EFCC1: variants seen among roughly 807,000 people sequenced by gnomAD.
EFCC1 encodes the protein EF-hand and coiled-coil domain containing 1.
EFCC1 carries 50 observed loss-of-function variants against 52.1 expected under a neutral mutation model. That is an observed-to-expected ratio of 0.96 (90% CI 0.76 to 1.21). The LOEUF is 1.21. Ranked by LOEUF, EFCC1 falls within the 50% of genes most tolerant of loss-of-function variation. The probability of loss-of-function intolerance (pLI) is 0.00; values close to 1 mark genes in which losing one functional copy is unlikely to be tolerated. For missense variants in EFCC1, 837 were observed against 867.3 expected (o/e 0.97, Z 0.44); for synonymous variants, 399 against 396.5 (o/e 1.01, Z -0.08).
intron 5 of EFCC1, among the ~76,000 whole-genome samples, chr3:129,035,711 A>AC (rs1457118466): frequency 6.6e-6 from 1 of 152,050 alleles, no homozygotes; most frequent in African/African-American, 2.4e-5. Context: ...GGATAGGGCC[A>AC]CCCCTCACTT....
chr3:129,034,442 A>G, intron 5 of EFCC1, 113 bp downstream of exon 5: 1 of 1,204,520 alleles, frequency 8.3e-7, no homozygotes, highest in Non-Finnish European at 1.1e-6. Flanking sequence ...GAGTAAACCA[A>G]GGCCCAGAGG....
chr3:129,004,173 G>C, intron 2 of EFCC1, 96 bp downstream of exon 2: 2 of 1,307,826 alleles, frequency 1.5e-6, no homozygotes, highest in Non-Finnish European at 2.0e-6. Flanking sequence ...GCGCTCTCGT[G>C]TTCCGCAGTT....
Position 129,001,543 on chromosome 3 carries a change from TTCGAGAAAC to T in EFCC1, c.-83_-75del, listed in dbSNP as rs1402303651. ...AGACCGCGACCGCTAAGCCCCTCCTTTCGAGAAACTCTGGGGCCGCCCCTGGAAGTGGCG... is the reference window on the plus strand; with the variant it reads ...AGACCGCGACCGCTAAGCCCCTCCTTTCTGGGGCCGCCCCTGGAAGTGGCG... On this transcript the variant is annotated 5_prime_UTR_variant, in exon 1 of 8. Transcript: ENST00000683648. 1 of 1,341,254 alleles carries T rather than the reference TTCGAGAAAC, an allele frequency of 7.5e-7. No homozygotes were observed. The highest frequency in any genetic ancestry group is 9.5e-7 in the Non-Finnish European group (1 of 1,052,366). The allele number at this position is 1,341,254 out of a possible 1,614,324, so 83.1% of individuals were successfully genotyped here.
rs1392647439 is a variant in EFCC1, at chr3:129,003,263, CG to C, written c.697-529del. The C allele has an allele frequency of 4.1e-6, 4 of 985,258 alleles. No individual in the cohort carries two copies. The Admixed American group carries it at 1.8e-4, about 45-fold the overall frequency. The allele number at this position is 985,258 out of a possible 1,614,324, so 61.0% of individuals were successfully genotyped here. On this transcript the variant is annotated intron_variant, in intron 1 of 7. Transcript: ENST00000683648. ...CTGGGAGCCATGGGATGCGCCTGAA[CG>C]GTCTTCCGGCATCTCTCATGCTTGG...
In EFCC1 at chr3:129,002,202, G is replaced by A. The variant is rs1199023052; in HGVS notation, c.574G>A (p.Asp192Asn). ...CCGCCCGCCCTGCGCGCCTGGCCCC[G>A]ACAGCGGTCCTGACTGTGAGCGCGT... ...RRRPPCAPGP[D>N]SGPDCERVAR... The change falls in exon 1 of 8, where the codon GAC (aspartate) becomes AAC (asparagine). Residue 192 changes from aspartate to asparagine, a missense_variant. Asp to Asn is a conservative substitution (Grantham distance 23). Coordinates refer to ENST00000683648, the MANE Select transcript of EFCC1 (RefSeq NM_001377500.1). 2.0e-6 allele frequency: 3 copies of A among 1,512,076 alleles called. No homozygotes were observed. Among genetic ancestry groups the A allele is most frequent in the Non-Finnish European group, 8.8e-7 (1 of 1,137,298 alleles). 93.7% of individuals were successfully genotyped at this position (1,512,076 alleles called of 1,614,324 possible). A position where few individuals can be genotyped will look rare whatever the true frequency, so the allele number is the denominator to read the frequency against.
rs779432304 is a variant in EFCC1, at chr3:129,037,052, C to T, written c.1528C>T (p.Arg510Trp). The T allele has an allele frequency of 3.2e-5, 51 of 1,613,404 alleles. No individual in the cohort carries two copies. The highest frequency in any genetic ancestry group is 4.5e-5 in the East Asian group (2 of 44,868). ...ELQMVETERV[R>W]LSLLEEKLVD... is the part of the protein sequence containing the mutation. ...GCAGATGGTAGAGACCGAGAGGGTG[C>T]GGCTGTCCCTGCTGGAGGAGAAGCT... The change falls in exon 6 of 8, where the codon CGG becomes TGG. Residue 510 changes from arginine to tryptophan, a missense_variant. Coordinates refer to ENST00000683648, the MANE Select transcript of EFCC1 (RefSeq NM_001377500.1).
chr3:129,028,624 G>A (rs760444034), intron 2 of EFCC1, among the ~76,000 whole-genome samples: 123 of 151,784 alleles, frequency 8.1e-4, no homozygotes, highest in Non-Finnish European at 1.4e-3. Context: ...TCAGGCCTTT[G>A]TTGGCTTTTC....
At position 129,003,995 on chromosome 3, in the gene EFCC1, C is replaced by T. The variant is rs1308514900; in HGVS notation, c.898C>T (p.Arg300Ter). ...GGTGCTGCGCAGCCTGCACCGCGTG[C>T]GAGAGCTGGAGGCGCTGGCGCAACA... ...QVVLRSLHRV[R>*]ELEALAQQVP... The change falls in exon 2 of 8, where the codon CGA (arginine) becomes TGA (stop). Residue 300 changes from arginine to a stop codon, truncating the protein, a stop_gained. Coordinates refer to ENST00000683648, the MANE Select transcript of EFCC1 (RefSeq NM_001377500.1). LOFTEE classifies it high-confidence loss of function. 7 of 1,501,426 alleles carry T rather than the reference C, an allele frequency of 4.7e-6. No homozygotes were observed. Among genetic ancestry groups the T allele is most frequent in the African/African-American group, 1.4e-5 (1 of 69,172 alleles). 93.0% of individuals were successfully genotyped at this position (1,501,426 alleles called of 1,614,324 possible). A position where few individuals can be genotyped will look rare whatever the true frequency, so the allele number is the denominator to read the frequency against.
intron 5 of EFCC1, 69 bp from the exon 6 acceptor site, chr3:129,036,908 A>T (rs1946360609): frequency 2.5e-6 from 4 of 1,608,348 alleles, no homozygotes; most frequent in Non-Finnish European, 2.5e-6. Flanking sequence ...GAGATGGAGT[A>T]GTTGATCCTG....
intron 2 of EFCC1, among the ~76,000 whole-genome samples, chr3:129,018,465 C>T (rs1450976405): frequency 6.6e-6 from 1 of 152,210 alleles, no homozygotes; most frequent in African/African-American, 2.4e-5. Flanking sequence ...GGAACACAGC[C>T]ATGTCCACTT....
intron 2 of EFCC1, among the ~76,000 whole-genome samples, chr3:129,028,736 A>G (rs1048930969): frequency 2.6e-5 from 4 of 151,532 alleles, no homozygotes; most frequent in African/African-American, 9.7e-5. Flanking sequence ...TCCGCCTCCC[A>G]GGTTCAAGCG....
chr3:129,025,948 C>T (rs1230362981), intron 2 of EFCC1, among the ~76,000 whole-genome samples: 1 of 152,270 alleles, frequency 6.6e-6, no homozygotes, highest in East Asian at 1.9e-4. Flanking sequence ...TTCCAAGCTT[C>T]CCTTGTGCCT....
In EFCC1 at chr3:129,014,620, T is replaced by C. The variant is rs779007938; in HGVS notation, c.980+10543T>C. The stretch of plus-strand genomic sequence containing the variant: ...CACATTATGAGGAGCTCTGGGGGTC[T>C]GGACATCAACATATGAATTGGGGAG... On this transcript the variant is annotated intron_variant, in intron 2 of 7. Transcript: ENST00000683648. This position sits in a 1 kb window ranked among gnomAD's most constrained non-coding sequence, Gnocchi z 4.3. Among the ~76,000 whole-genome samples the C allele has an allele frequency of 6.6e-6, 1 of 152,200 alleles. No homozygotes were observed. Among genetic ancestry groups the C allele is most frequent in the Admixed American group, 6.5e-5 (1 of 15,282 alleles).
chr3:129,002,547 A>C, intron 1 of EFCC1: 1 of 883,126 alleles, frequency 1.1e-6, no homozygotes, highest in Non-Finnish European at 1.6e-6. Flanking sequence ...ATTCCTGAAA[A>C]CCCCAATCAC....
At chr3:129,033,999 C>T (rs911397864) in intron 4 of EFCC1, among the ~76,000 whole-genome samples, 165 bp from the exon 5 acceptor site, 8 of 152,192 alleles carry the variant, frequency 5.3e-5, no homozygotes, top group African/African-American at 1.7e-4. Context: ...TTTGCCTTTT[C>T]CTCAGAGTGA....
chr3:129,011,075 G>A (rs1054131795), intron 2 of EFCC1, among the ~76,000 whole-genome samples: 50 of 152,178 alleles, frequency 3.3e-4, no homozygotes, highest in African/African-American at 1.1e-3. Context: ...GGGAGGCAGC[G>A]TGGTGGTGGA....
intron 2 of EFCC1, among the ~76,000 whole-genome samples, chr3:129,009,608 CATTGA>C (rs1945227867): frequency 6.6e-6 from 1 of 152,214 alleles, no homozygotes; most frequent in African/African-American, 2.4e-5. Context: ...GAGCAAGGCC[CATTGA>C]ACTCTGGAAA....
At chr3:129,003,453 G>A (rs762850930) in intron 1 of EFCC1, 114 of 244,566 alleles carry the variant, frequency 4.7e-4, no homozygotes, top group Non-Finnish European at 5.2e-4. Flanking sequence ...CCACCCGGCA[G>A]GCTGAACGCC....
At chr3:129,011,482 T>G in intron 2 of EFCC1, among the ~76,000 whole-genome samples, 1 of 147,644 alleles carries the variant, frequency 6.8e-6, no homozygotes, top group Non-Finnish European at 1.5e-5. Flanking sequence ...ACCCAGAAGG[T>G]GGAGGTTGTA....
Sources: gnomAD v4.1 joint callset for allele counts (sites outside exome capture counted in the v4.1 genomes callset) on GRCh38, gnomAD v4.1.1 for gene constraint, Gnocchi (gnomAD v3.1) non-coding constraint, MANE v1.5 for transcripts, NCBI Gene and HGNC (gene_info 2026-07-23, HGNC 2026-07-21) for gene names.